The following PCDH15 variants were observed in gnomAD, a reference collection of about 807,000 sequenced individuals.
PCDH15 encodes protocadherin-15.
PCDH15 carries 129 observed loss-of-function variants against 178.5 expected under a neutral mutation model. That is an observed-to-expected ratio of 0.72 (90% CI 0.63 to 0.84). PCDH15 has a LOEUF of 0.84. PCDH15 is among the 40% of genes least tolerant of loss of function. The probability of loss-of-function intolerance (pLI) is 0.00; values close to 1 mark genes in which losing one functional copy is unlikely to be tolerated. For synonymous variants in PCDH15, 800 were observed against 732.0 expected (o/e 1.09, Z -1.50); for missense variants, 2,230 against 2,099.9 (o/e 1.06, Z -1.21).
chr10:55,494,103 T>TA (rs141648051), intron 2 of PCDH15, among the ~76,000 whole-genome samples: 3,322 of 151,910 alleles, frequency 0.022, 127 homozygotes, highest in African/African-American at 0.076. Context: ...TGCTGTTGGA[T>TA]AAAATGTTCT....
rs1013559018 is a variant in PCDH15 at position 55,393,240 on chromosome 10, C to T, written c.-155-226589G>A. Among the ~76,000 whole-genome samples, 6 of 152,060 alleles carry T rather than the reference C, an allele frequency of 3.9e-5. No homozygotes were observed. In the South Asian group the frequency reaches 1.2e-3, roughly 31 times the overall value. ...ATTAAGATCACTGATTGCTAGGTCC[C>T]ACCCTCAGGGGTTCTGATTCGGTAG... is the stretch of plus-strand genomic sequence containing the variant. On this transcript the variant is annotated intron_variant, in intron 2 of 5. Coordinates refer to the PCDH15 transcript ENST00000613346.
intron 37 of PCDH15, chr10:53,809,010 C>T (rs1469273547): frequency 2.5e-6 from 4 of 1,581,578 alleles, no homozygotes; most frequent in Non-Finnish European, 3.4e-6. Context: ...CTTCTTGTGG[C>T]TCCTCTTTCC....
chr10:55,602,579 C>T (rs1343111940), intron 2 of PCDH15, among the ~76,000 whole-genome samples: 3 of 152,020 alleles, frequency 2.0e-5, no homozygotes, highest in Non-Finnish European at 4.4e-5. Flanking sequence ...GGTCCCTGAC[C>T]GCTGACCCCC....
chr10:54,831,804 A>C (rs563407664), intron 3 of PCDH15, among the ~76,000 whole-genome samples: 2 of 152,276 alleles, frequency 1.3e-5, no homozygotes, highest in African/African-American at 4.8e-5. Context: ...TTACATGATC[A>C]ATTGGCCACC....
intron 2 of PCDH15, among the ~76,000 whole-genome samples, chr10:54,956,750 T>C (rs1838498863): frequency 6.6e-6 from 1 of 151,682 alleles, no homozygotes; most frequent in Non-Finnish European, 1.5e-5. Flanking sequence ...GTATATATCA[T>C]ATAAACATGC....
rs1469221801 is a variant in PCDH15, at chr10:53,903,247, A to T, written c.3497T>A (p.Val1166Glu). ...DARMFTSVLR[V>E]KATDKDTGNY... ...TATTAACATAATTCCGCATACCTTC[A>T]CTCTGAGTACAGAAGTAAACATTCT... The change falls in exon 26 of 38, where the codon GTG (valine) becomes GAG (glutamate). Residue 1166 changes from valine to glutamate, a missense_variant. By Grantham distance (121) the Val-to-Glu change is moderately radical. Coordinates refer to ENST00000644397, the MANE Select transcript of PCDH15 (RefSeq NM_001384140.1). The T allele has an allele frequency of 6.8e-6, 11 of 1,612,668 alleles. No individual in the cohort carries two copies. The highest frequency in any genetic ancestry group is 1.3e-5 in the African/African-American group (1 of 74,874).
intron 21 of PCDH15, among the ~76,000 whole-genome samples, chr10:53,987,377 TAAAC>T (rs2091180344): frequency 6.6e-6 from 1 of 151,954 alleles, no homozygotes; most frequent in African/African-American, 2.4e-5. Context: ...AATACATAAA[TAAAC>T]TAAGAGATGC....
chr10:55,609,600 T>A (rs1392742883), intron 2 of PCDH15, among the ~76,000 whole-genome samples: 1 of 152,112 alleles, frequency 6.6e-6, no homozygotes, highest in African/African-American at 2.4e-5. Context: ...AGATATTGTA[T>A]CATCCAAATA....
intron 2 of PCDH15, among the ~76,000 whole-genome samples, chr10:54,939,887 T>A (rs901752607): frequency 3.9e-5 from 6 of 152,134 alleles, no homozygotes; most frequent in Non-Finnish European, 5.9e-5. Flanking sequence ...AGAGACCTCA[T>A]GACCTAATAA....
intron 12 of PCDH15, 74 bp downstream of exon 12, chr10:54,185,058 ATC>A: frequency 6.5e-7 from 1 of 1,546,872 alleles, no homozygotes; most frequent in Non-Finnish European, 8.9e-7. Context: ...TTAACCAGAC[ATC>A]TCTTTCAGTT....
chr10:54,229,542 C>T (rs185552591), intron 9 of PCDH15, among the ~76,000 whole-genome samples: 2 of 152,210 alleles, frequency 1.3e-5, no homozygotes, highest in East Asian at 3.9e-4. Context: ...TGGGAGGAAG[C>T]TTGTGGGAGG....
chr10:54,422,828 T>G (rs1440741614), intron 3 of PCDH15, among the ~76,000 whole-genome samples: 3 of 152,312 alleles, frequency 2.0e-5, no homozygotes, highest in South Asian at 4.1e-4. Flanking sequence ...AGAACTCCAG[T>G]TCTGAAAATT....
chr10:55,090,910 T>TTC (rs1368677347), intron 2 of PCDH15, among the ~76,000 whole-genome samples: 1 of 111,776 alleles, frequency 8.9e-6, no homozygotes, highest in East Asian at 2.4e-4. Flanking sequence ...AATGTACTAT[T>TTC]TCTTTTTTTT....
chr10:55,609,011 T>TACACACAC (rs10627574), intron 2 of PCDH15, among the ~76,000 whole-genome samples: 4 of 143,174 alleles, frequency 2.8e-5, no homozygotes, highest in South Asian at 4.4e-4. Context: ...ATGTTATATA[T>TACACACAC]ATATACACAC....
At chr10:53,869,090 G>C (rs1403043032) in intron 26 of PCDH15, among the ~76,000 whole-genome samples, 1 of 152,154 alleles carries the variant, frequency 6.6e-6, no homozygotes, top group African/African-American at 2.4e-5. Flanking sequence ...TTACAGACAT[G>C]AGCCACTGTG....
chr10:54,858,192 C>T (rs1348135594), intron 3 of PCDH15, among the ~76,000 whole-genome samples: 3 of 152,146 alleles, frequency 2.0e-5, no homozygotes, highest in African/African-American at 7.2e-5. Context: ...GCTTGTTTCA[C>T]TAAGAATAAA....
intron 26 of PCDH15, among the ~76,000 whole-genome samples, chr10:53,889,536 TA>T (rs113275569): frequency 0.091 from 13,316 of 146,992 alleles, 1,660 homozygotes; most frequent in African/African-American, 0.28. Context: ...TCACAGTGAC[TA>T]AAAAAAAAAA....
At chr10:53,973,281 G>A (rs1423750079) in intron 21 of PCDH15, among the ~76,000 whole-genome samples, 2 of 135,536 alleles carry the variant, frequency 1.5e-5, no homozygotes, top group Non-Finnish European at 3.1e-5. Context: ...TCACACACCA[G>A]GGCCTGTCAT....
chr10:54,058,894 A>G (rs2093956695), intron 18 of PCDH15, among the ~76,000 whole-genome samples: 1 of 151,914 alleles, frequency 6.6e-6, no homozygotes, highest in African/African-American at 2.4e-5. Flanking sequence ...GGATTTCTCC[A>G]TGTTGGTCAG....
Sources: gnomAD v4.1 joint callset for allele counts (sites outside exome capture counted in the v4.1 genomes callset) on GRCh38, gnomAD v4.1.1 for gene constraint, MANE v1.5 for transcripts, NCBI Gene and HGNC (gene_info 2026-07-23, HGNC 2026-07-21) for gene names.